The following PLXND1 variants were observed in gnomAD, a reference collection of about 807,000 sequenced individuals.
PLXND1 encodes the protein plexin D1, also known as plexin-D1.
In PLXND1, 54 loss-of-function variants were observed where a neutral mutation model predicts 197.7. The observed-to-expected ratio is 0.27, with a 90% confidence interval of 0.22 to 0.34. The LOEUF (loss-of-function observed/expected upper bound fraction) is 0.34, where lower values mean the gene tolerates loss of function less well. PLXND1 is among the 10% of genes least tolerant of loss of function. The pLI is 1.00. For synonymous variants in PLXND1, 1,180 were observed against 1,161.2 expected (o/e 1.02, Z -0.33); for missense variants, 2,127 against 2,699.2 (o/e 0.79, Z 4.70).
In PLXND1 at chr3:129,606,324, C is replaced by A. The variant is rs1380481569; in HGVS notation, c.316G>T (p.Ala106Ser). The A allele has an allele frequency of 2.0e-6, 3 of 1,500,634 alleles. No individual in the cohort carries two copies. The highest frequency in any genetic ancestry group is 1.8e-6 in the Non-Finnish European group (2 of 1,130,824). 93.0% of individuals were successfully genotyped at this position (1,500,634 alleles called of 1,614,324 possible). Residue 106 changes from alanine (A) to serine (S), a missense_variant, in exon 1 of 36, where the codon GCT becomes TCT. By Grantham distance (99) the Ala-to-Ser change is moderately conservative (BLOSUM62 1). This residue lies in a region of PLXND1 where 245 missense variants were observed against 267.1 expected (regional missense o/e 0.92). Coordinates refer to ENST00000324093, the MANE Select transcript of PLXND1 (RefSeq NM_015103.3). ...GPVPDSPLCH[A>S]PQLPQASCEH... is the part of the protein sequence containing the mutation. ...CACGAGGCCTGCGGCAGCTGCGGAGCGTGACACAGCGGGCTGTCGGGCACC... is the reference window on the plus strand; with the variant it reads ...CACGAGGCCTGCGGCAGCTGCGGAGAGTGACACAGCGGGCTGTCGGGCACC...
chr3:129,566,587 G>T lies in PLXND1; in HGVS notation c.4131C>A (p.Thr1377=). Reference sequence around the variant, plus strand: ...CCTGGGAGCTGCCCTGGGAGTTGAGGGTCTGGGAGGGCAGCACGTAACGCT... The same window carrying T: ...CCTGGGAGCTGCCCTGGGAGTTGAGTGTCTGGGAGGGCAGCACGTAACGCT... ...YEERYVLPSQ[T]LNSQGSSQAQ... is the part of the protein sequence containing the mutation. The change falls in exon 23 of 36, where the codon ACC becomes ACA. Residue 1377 remains threonine (T), a synonymous_variant. Coordinates refer to ENST00000324093, the MANE Select transcript of PLXND1 (RefSeq NM_015103.3). 1.2e-5 allele frequency: 20 copies of T among 1,613,286 alleles called. No homozygotes were observed. Among genetic ancestry groups the T allele is most frequent in the Non-Finnish European group, 1.7e-5 (20 of 1,179,438 alleles).
In PLXND1 at chr3:129,605,600, C is replaced by T. The variant is rs1382908892; in HGVS notation, c.1040G>A (p.Gly347Asp). 5 of 1,533,642 alleles carry T rather than the reference C, an allele frequency of 3.3e-6. No homozygotes were observed. Among genetic ancestry groups the T allele is most frequent in the Non-Finnish European group, 4.4e-6 (5 of 1,144,478 alleles). The change falls in exon 1 of 36, where the codon GGC (glycine) becomes GAC (aspartate). Residue 347 changes from glycine (G) to aspartate (D), a missense_variant. By Grantham distance (94) the Gly-to-Asp change is moderately conservative (BLOSUM62 -1). This residue lies in a region of PLXND1 where 1,095 missense variants were observed against 1,259.8 expected (regional missense o/e 0.87). Transcript: ENST00000324093. ...GTAGAGGTCGCCGCGGCCCGCGCCG[C>T]CCGCGCACTGCAAGCCCAACTGGAT... ...SYIQLGLQCA[G>D]GAGRGDLYSR...
intron 2 of PLXND1, 116 bp from the exon 3 acceptor site, chr3:129,586,835 C>A: frequency 1.6e-6 from 2 of 1,259,068 alleles, no homozygotes; most frequent in Non-Finnish European, 1.1e-6. Flanking sequence ...TTGGACCCTT[C>A]AGGAGGGGTG....
At chr3:129,596,479 G>A (rs1043580996) in intron 1 of PLXND1, among the ~76,000 whole-genome samples, 3 of 152,098 alleles carry the variant, frequency 2.0e-5, no homozygotes, top group African/African-American at 7.2e-5. Flanking sequence ...CCTCCCCCTG[G>A]GTCCCAGAGG....
chr3:129,597,579 C>T (rs1395468197), intron 1 of PLXND1, among the ~76,000 whole-genome samples: 1 of 152,132 alleles, frequency 6.6e-6, no homozygotes, highest in Non-Finnish European at 1.5e-5. Context: ...TGCGAGCTTC[C>T]CTCCCCCTCC....
At position 129,557,248 on chromosome 3, in the gene PLXND1, T is replaced by C. The variant is rs1456166315; in HGVS notation, c.5446-25A>G. On this transcript the variant is annotated intron_variant, in intron 33 of 35. Transcript: ENST00000324093. This position sits in a 1 kb window ranked among gnomAD's most constrained non-coding sequence, Gnocchi z 4.8. ...CCTGGGCAGAGAAGAGCGAGGGTGT[T>C]AGATGGCTGCTGGAGAAAGGACGGA... is the stretch of plus-strand genomic sequence containing the variant. The C allele has an allele frequency of 1.2e-6, 2 of 1,613,572 alleles. No homozygotes were observed. Among genetic ancestry groups the C allele is most frequent in the Non-Finnish European group, 1.7e-6 (2 of 1,179,772 alleles).
chr3:129,557,065 G>A lies in PLXND1; in HGVS notation c.5586+18C>T, dbSNP rs566586032. On this transcript the variant is annotated intron_variant, in intron 34 of 35. Coordinates refer to ENST00000324093, the MANE Select transcript of PLXND1 (RefSeq NM_015103.3). The surrounding 1 kb of genome is among the most constrained non-coding windows in gnomAD (Gnocchi z 4.8). ...TCAGCTCTTCAGGCCCCCATCCCCCGCCGCCGAGCCACCGCACCCTCGACT... is the reference window on the plus strand; with the variant it reads ...TCAGCTCTTCAGGCCCCCATCCCCCACCGCCGAGCCACCGCACCCTCGACT... The A allele has an allele frequency of 7.8e-5, 124 of 1,589,286 alleles. 1 individual carries two copies. In the South Asian group the frequency reaches 8.6e-4, roughly 11 times the overall value.
rs1456392960 is a variant in PLXND1, at chr3:129,563,130, C to T, written c.4632G>A (p.Glu1544=). 1.9e-6 allele frequency: 3 copies of T among 1,613,700 alleles called. No individual in the cohort carries two copies. The highest frequency in any genetic ancestry group is 1.1e-5 in the South Asian group (1 of 91,054). Residue 1544 remains glutamate (E), a synonymous_variant, in exon 26 of 36, where the codon GAG becomes GAA. Coordinates refer to ENST00000324093, the MANE Select transcript of PLXND1 (RefSeq NM_015103.3). The part of the protein sequence containing the change: ...TGKARYTLSE[E]WLLRENIEAK... The stretch of plus-strand genomic sequence containing the variant: ...CCTCGATGTTCTCCCGCAGCAGCCA[C>T]TCCTCACTGAGTGTGTAGCGGGCCT...
At chr3:129,581,805 T>C (rs2085391664) in intron 8 of PLXND1, among the ~76,000 whole-genome samples, 1 of 152,196 alleles carries the variant, frequency 6.6e-6, no homozygotes. Context: ...CAGCAGGCAC[T>C]CAATAAATGC....
Position 129,605,482 on chromosome 3 carries a change from G to A in PLXND1, c.1158C>T (p.Ala386=). The part of the protein sequence containing the change: ...QGSPAARAAP[A]ALCAFRFADV... ...CGGCGAAGCGGAAGGCGCAGAGTGC[G>A]GCCGGAGCAGCGCGGGCCGCGGGGG... is the stretch of plus-strand genomic sequence containing the variant. The change falls in exon 1 of 36, where the codon GCC becomes GCT. Residue 386 remains alanine (A), a synonymous_variant. Transcript: ENST00000324093. The A allele has an allele frequency of 6.7e-7, 1 of 1,497,772 alleles. No individual in the cohort carries two copies. The highest frequency in any genetic ancestry group is 8.8e-7 in the Non-Finnish European group (1 of 1,131,144). 92.8% of individuals were successfully genotyped at this position (1,497,772 alleles called of 1,614,324 possible).
chr3:129,589,310 T>TGGCCCCCCCCCCCCCCCCCCCCCCC, intron 2 of PLXND1, 41 bp downstream of exon 2: 21 of 501,258 alleles, frequency 4.2e-5, no homozygotes, highest in East Asian at 2.0e-4. Flanking sequence ...CAGGGGAGCC[T>TGGCCCCCCCCCCCCCCCCCCCCCCC]CCCACCCCCA....
Position 129,571,737 on chromosome 3 carries a change from G to T in PLXND1, c.3185C>A (p.Thr1062Asn), listed in dbSNP as rs1213096832. Residue 1062 changes from threonine to asparagine, a missense_variant, in exon 16 of 36, where the codon ACC (threonine) becomes AAC (asparagine). Transcript: ENST00000324093. ...GACCGGGTTCTGCATGTACCAGAAG[G>T]TGAGGTTGCCGTGCACGCAGCCCCG... ...ERRGCVHGNL[T>N]FWYMQNPVIT... 2 of 1,613,638 alleles carry T rather than the reference G, an allele frequency of 1.2e-6. No individual in the cohort carries two copies. Among genetic ancestry groups the T allele is most frequent in the Admixed American group, 3.3e-5 (2 of 60,034 alleles).
At chr3:129,561,352 G>A (rs1005453750) in intron 29 of PLXND1, among the ~76,000 whole-genome samples, 6 of 152,202 alleles carry the variant, frequency 3.9e-5, no homozygotes, top group Admixed American at 6.5e-5. Flanking sequence ...AGGCTGAGAC[G>A]GGCATGCTGG....
chr3:129,573,495 A>G, intron 13 of PLXND1, 99 bp downstream of exon 13: 1 of 1,214,522 alleles, frequency 8.2e-7, no homozygotes, highest in South Asian at 1.4e-5. Context: ...TCCAGAAAGC[A>G]GCAGAGTGAG....
rs1281731475 is a variant in PLXND1, at chr3:129,577,334, G to A, written c.2346+995C>T. Among the ~76,000 whole-genome samples, 6 of 152,292 alleles carry A rather than the reference G, an allele frequency of 3.9e-5. No homozygotes were observed. The highest frequency in any genetic ancestry group is 1.9e-4 in the East Asian group (1 of 5,162). ...CCCCACCACACAGCTGGGAAGAATC[G>A]GCAGGACTCAAGTCAGGCTCACACC... On this transcript the variant is annotated intron_variant, in intron 9 of 35. Coordinates refer to ENST00000324093, the MANE Select transcript of PLXND1 (RefSeq NM_015103.3). This position sits in a 1 kb window ranked among gnomAD's most constrained non-coding sequence, Gnocchi z 5.0.
chr3:129,578,597 G>A (rs2085346521), intron 8 of PLXND1, 164 bp from the exon 9 acceptor site: 3 of 590,972 alleles, frequency 5.1e-6, no homozygotes, highest in South Asian at 2.0e-5. Flanking sequence ...CCTCCCACTC[G>A]CCACCACCCT....
chr3:129,571,169 C>T lies in PLXND1; in HGVS notation c.3471G>A (p.Leu1157=), dbSNP rs2085220501. The T allele has an allele frequency of 6.2e-7, 1 of 1,614,086 alleles. No individual in the cohort carries two copies. Among genetic ancestry groups the T allele is most frequent in the Admixed American group, 1.7e-5 (1 of 60,006 alleles). ...TGCCCCGCTGTGCCTCCTCGGGGTC[C>T]AGTAGCTCCTCAGCCACAGCCACCT... ...ADEVAVAEEL[L]DPEEAQRGSR... Residue 1157 remains leucine, a synonymous_variant, in exon 18 of 36, where the codon CTG becomes CTA. Coordinates refer to ENST00000324093, the MANE Select transcript of PLXND1 (RefSeq NM_015103.3).
intron 9 of PLXND1, among the ~76,000 whole-genome samples, chr3:129,576,571 G>C (rs769847407): frequency 2.0e-5 from 3 of 152,160 alleles, no homozygotes; most frequent in Admixed American, 6.5e-5. Context: ...AACCGGGGAC[G>C]GTCAGGGCTC....
intron 12 of PLXND1, 73 bp from the exon 13 acceptor site, chr3:129,573,818 A>C: frequency 6.5e-7 from 1 of 1,527,032 alleles, no homozygotes; most frequent in Non-Finnish European, 8.9e-7. Context: ...CCACAGTCAC[A>C]GGCACCCAGC....
Sources: allele counts gnomAD v4.1 joint callset (sites outside exome capture counted in the v4.1 genomes callset), GRCh38; gene constraint gnomAD v4.1.1; regional missense constraint gnomAD v4.1.1; non-coding constraint Gnocchi (gnomAD v3.1); transcripts MANE v1.5; gene names NCBI Gene and HGNC (gene_info 2026-07-23, HGNC 2026-07-21).